The following GRIK3 variants were observed in gnomAD, a reference collection of about 807,000 sequenced individuals.
GRIK3 encodes glutamate receptor ionotropic, kainate 3.
GRIK3 carries 29 observed loss-of-function variants against 102.5 expected under a neutral mutation model. The observed-to-expected ratio is 0.28, with a 90% CI of 0.21 to 0.39. GRIK3 has a LOEUF of 0.39. GRIK3 is among the 10% of genes least tolerant of loss of function. The pLI is 1.00. For synonymous variants in GRIK3, 511 were observed against 504.9 expected (o/e 1.01, Z -0.16); for missense variants, 908 against 1,252.4 (o/e 0.73, Z 4.15).
intron 1 of GRIK3, among the ~76,000 whole-genome samples, chr1:36,948,380 C>T (rs140402677): frequency 4.5e-4 from 68 of 152,306 alleles, no homozygotes; most frequent in African/African-American, 1.6e-3. Context: ...GTGTGCTGAT[C>T]TGAGTTGGCT....
Position 36,850,046 on chromosome 1 carries a change from A to G in GRIK3, c.1326+265T>C. On this transcript the variant is annotated intron_variant, in intron 9 of 15. Coordinates refer to ENST00000373091, the MANE Select transcript of GRIK3 (RefSeq NM_000831.4). The surrounding 1 kb of genome is among the most constrained non-coding windows in gnomAD (Gnocchi z 4.0). ...GCTGTCAAACCCCCTTAATTCCACC[A>G]TCCAGCATGGTTCCTACTCAGACAT... is the stretch of plus-strand genomic sequence containing the variant. The G allele has an allele frequency of 2.3e-6, 1 of 433,022 alleles. No individual in the cohort carries two copies. Among genetic ancestry groups the G allele is most frequent in the Admixed American group, 3.9e-5 (1 of 25,514 alleles). The allele number at this position is 433,022 out of a possible 1,614,324, so 26.8% of individuals were successfully genotyped here. A position where few individuals can be genotyped will look rare whatever the true frequency, so the allele number is the denominator to read the frequency against.
intron 13 of GRIK3, among the ~76,000 whole-genome samples, chr1:36,811,824 G>A (rs1642566453): frequency 6.6e-6 from 1 of 152,178 alleles, no homozygotes; most frequent in Non-Finnish European, 1.5e-5. Context: ...GGAGCTCACC[G>A]AACCCTCTTG....
At chr1:36,810,845 G>C (rs1248684385) in intron 13 of GRIK3, among the ~76,000 whole-genome samples, 1 of 152,206 alleles carries the variant, frequency 6.6e-6, no homozygotes, top group African/African-American at 2.4e-5. Context: ...ACTGCTACAG[G>C]CTCCCTGGTA....
chr1:36,855,678 A>T (rs1234650781), intron 7 of GRIK3, among the ~76,000 whole-genome samples: 1 of 152,232 alleles, frequency 6.6e-6, no homozygotes, highest in Non-Finnish European at 1.5e-5. Flanking sequence ...AATCACAAGG[A>T]TGTGACAGAG....
intron 9 of GRIK3, among the ~76,000 whole-genome samples, chr1:36,847,027 C>A (rs1274942828): frequency 6.6e-6 from 1 of 152,266 alleles, no homozygotes; most frequent in Non-Finnish European, 1.5e-5. Context: ...GGGAAGCACA[C>A]CTCACCCTCC....
intron 1 of GRIK3, among the ~76,000 whole-genome samples, chr1:36,903,730 T>C (rs777408888): frequency 9.9e-5 from 15 of 152,216 alleles, no homozygotes; most frequent in Non-Finnish European, 2.1e-4. Context: ...GGCTACAGAC[T>C]ATATGATTTC....
chr1:36,886,515 A>C (rs990530908), intron 2 of GRIK3, among the ~76,000 whole-genome samples: 1 of 152,208 alleles, frequency 6.6e-6, no homozygotes, highest in Non-Finnish European at 1.5e-5. Flanking sequence ...GGGTACCCAA[A>C]GGGGAGTGTG....
At position 36,847,840 on chromosome 1, in the gene GRIK3, C is replaced by T. The variant is rs941443737; in HGVS notation, c.1326+2471G>A. On this transcript the variant is annotated intron_variant, in intron 9 of 15. Coordinates refer to ENST00000373091, the MANE Select transcript of GRIK3 (RefSeq NM_000831.4). ...GTTCTTTCCTCATGTCCTGGTGGCA[C>T]TGCATGTCCCAAAGAGCTCTGGGGT... Among the ~76,000 whole-genome samples the T allele has an allele frequency of 2.0e-5, 3 of 152,232 alleles. No homozygotes were observed. The South Asian group carries it at 6.2e-4, about 32-fold the overall frequency.
chr1:36,862,014 T>C (rs936998246), intron 5 of GRIK3, among the ~76,000 whole-genome samples: 32 of 152,162 alleles, frequency 2.1e-4, no homozygotes, highest in African/African-American at 7.7e-4. Context: ...GAAGTAGGCA[T>C]TGAATAGCAC....
intron 1 of GRIK3, among the ~76,000 whole-genome samples, chr1:36,927,930 T>A (rs1298854211): frequency 1.3e-5 from 2 of 152,118 alleles, no homozygotes; most frequent in African/African-American, 4.8e-5. Context: ...TTGTCTAGAA[T>A]TCCGCCTCCG....
intron 1 of GRIK3, among the ~76,000 whole-genome samples, chr1:36,901,274 G>A (rs1288042532): frequency 6.6e-6 from 1 of 152,060 alleles, no homozygotes; most frequent in Non-Finnish European, 1.5e-5. Flanking sequence ...TACAGATACA[G>A]AAATCCTCAA....
At chr1:36,948,720 T>C (rs1463396759) in intron 1 of GRIK3, among the ~76,000 whole-genome samples, 3 of 152,146 alleles carry the variant, frequency 2.0e-5, no homozygotes, top group African/African-American at 7.2e-5. Context: ...GGAACCCAGG[T>C]CAGCTCAGTT....
chr1:36,947,090 G>A (rs1315518609), intron 1 of GRIK3, among the ~76,000 whole-genome samples: 2 of 152,076 alleles, frequency 1.3e-5, no homozygotes, highest in Non-Finnish European at 2.9e-5. Flanking sequence ...AAGGGAGAGA[G>A]GAGGCTCAAG....
chr1:36,900,855 G>C (rs1356761420), intron 1 of GRIK3, among the ~76,000 whole-genome samples: 1 of 152,088 alleles, frequency 6.6e-6, no homozygotes, highest in Non-Finnish European at 1.5e-5. Flanking sequence ...GTTAGTATCA[G>C]AAGTGAAAGA....
At chr1:36,843,093 C>G (rs962335711) in intron 9 of GRIK3, among the ~76,000 whole-genome samples, 3 of 152,126 alleles carry the variant, frequency 2.0e-5, no homozygotes, top group African/African-American at 7.2e-5. Flanking sequence ...CATTTAGAAA[C>G]AAACCCCTGG....
chr1:36,807,090 G>T (rs1354586421), intron 13 of GRIK3, among the ~76,000 whole-genome samples: 1 of 152,168 alleles, frequency 6.6e-6, no homozygotes, highest in East Asian at 1.9e-4. Flanking sequence ...CAGGGTAGGT[G>T]GTCTGCAAAC....
At chr1:36,838,278 A>G (rs1640404561) in intron 10 of GRIK3, among the ~76,000 whole-genome samples, 1 of 152,250 alleles carries the variant, frequency 6.6e-6, no homozygotes, top group South Asian at 2.1e-4. Context: ...CTGTCAGCTG[A>G]AATGTGCTAG....
At chr1:36,845,764 A>C (rs562081472) in intron 9 of GRIK3, among the ~76,000 whole-genome samples, 16 of 152,298 alleles carry the variant, frequency 1.1e-4, no homozygotes, top group African/African-American at 3.8e-4. Context: ...ACCAGCACAC[A>C]GTATCAGGAG....
intron 1 of GRIK3, among the ~76,000 whole-genome samples, chr1:36,981,510 G>A (rs1277088040): frequency 6.6e-6 from 1 of 152,220 alleles, no homozygotes; most frequent in Non-Finnish European, 1.5e-5. Flanking sequence ...CAGTAAGATG[G>A]AGATCCTTGT....
Sources: allele counts gnomAD v4.1 joint callset (sites outside exome capture counted in the v4.1 genomes callset), GRCh38; gene constraint gnomAD v4.1.1; non-coding constraint Gnocchi (gnomAD v3.1); transcripts MANE v1.5; gene names NCBI Gene and HGNC (gene_info 2026-07-23, HGNC 2026-07-21).